The following MLLT3 variants were observed in gnomAD, a reference collection of about 807,000 sequenced individuals.
MLLT3 encodes MLLT3 super elongation complex subunit, also known as protein AF-9.
In MLLT3, 4 loss-of-function variants were observed where a neutral mutation model predicts 53.2. The ratio of observed to expected loss-of-function variants is 0.08; its 90% CI spans 0.04 to 0.17. The LOEUF (loss-of-function observed/expected upper bound fraction) is 0.17, where lower values mean the gene tolerates loss of function less well. Ranked by LOEUF, MLLT3 falls within the 10% of genes least tolerant of loss-of-function variation. The probability of loss-of-function intolerance (pLI) is 1.00; values close to 1 mark genes in which losing one functional copy is unlikely to be tolerated. For missense variants in MLLT3, 569 were observed against 684.0 expected (o/e 0.83, Z 1.87); for synonymous variants, 283 against 230.6 (o/e 1.23, Z -2.06).
At chr9:20,443,868 G>A (rs1401730761) in intron 4 of MLLT3, among the ~76,000 whole-genome samples, 1 of 152,156 alleles carries the variant, frequency 6.6e-6, no homozygotes, top group Non-Finnish European at 1.5e-5. Context: ...GCAAAAAGAT[G>A]CAATGGTTTT....
intron 2 of MLLT3, among the ~76,000 whole-genome samples, chr9:20,505,840 G>A (rs1825367718): frequency 6.6e-6 from 1 of 152,152 alleles, no homozygotes; most frequent in African/African-American, 2.4e-5. Flanking sequence ...ATATATCCAA[G>A]CATTAACTGT....
chr9:20,592,637 A>C (rs901449313), intron 2 of MLLT3, among the ~76,000 whole-genome samples: 2 of 152,192 alleles, frequency 1.3e-5, no homozygotes, highest in African/African-American at 4.8e-5. Context: ...GGGGGCACAT[A>C]ATTTGGCACA....
intron 2 of MLLT3, among the ~76,000 whole-genome samples, chr9:20,565,377 T>C (rs1250272271): frequency 6.6e-6 from 1 of 152,018 alleles, no homozygotes; most frequent in African/African-American, 2.4e-5. Context: ...CTTGGTGGGG[T>C]GCGCACACTG....
At chr9:20,346,836 C>A (rs946849181) in intron 10 of MLLT3, among the ~76,000 whole-genome samples, 20 of 151,932 alleles carry the variant, frequency 1.3e-4, no homozygotes, top group African/African-American at 4.4e-4. Flanking sequence ...AAGTCATGAA[C>A]AGAATATTTA....
chr9:20,440,089 T>G (rs546904034), intron 4 of MLLT3, among the ~76,000 whole-genome samples: 6 of 152,282 alleles, frequency 3.9e-5, no homozygotes, highest in Non-Finnish European at 8.8e-5. Context: ...ATAAATAAAC[T>G]AATTATCTGC....
chr9:20,550,465 T>G (rs945044221), intron 2 of MLLT3, among the ~76,000 whole-genome samples: 2 of 152,112 alleles, frequency 1.3e-5, no homozygotes, highest in Admixed American at 6.6e-5. Flanking sequence ...AGGTCTTGCT[T>G]TGTCACCCAG....
chr9:20,448,391 A>C lies in MLLT3; in HGVS notation c.277-125T>G. On this transcript the variant is annotated intron_variant, in intron 3 of 10. Transcript: ENST00000380338. The surrounding 1 kb of genome is among the most constrained non-coding windows in gnomAD (Gnocchi z 4.0). Reference sequence around the variant, plus strand: ...AGACATCTAACAGCTAAACTGTCAAAGTAGTACTGGGAAAAAAAAAAGTAT... The same window carrying C: ...AGACATCTAACAGCTAAACTGTCAACGTAGTACTGGGAAAAAAAAAAGTAT... The C allele has an allele frequency of 1.3e-6, 1 of 775,018 alleles. No individual in the cohort carries two copies. 48.0% of individuals were successfully genotyped at this position (775,018 alleles called of 1,614,324 possible). A position where few individuals can be genotyped will look rare whatever the true frequency, so the allele number is the denominator to read the frequency against.
chr9:20,601,041 C>G (rs762664393), intron 2 of MLLT3, among the ~76,000 whole-genome samples: 5 of 152,156 alleles, frequency 3.3e-5, no homozygotes, highest in Non-Finnish European at 5.9e-5. Context: ...TTTGCTTTTT[C>G]TCTGCACCGT....
At chr9:20,570,068 T>G (rs1819491060) in intron 2 of MLLT3, among the ~76,000 whole-genome samples, 1 of 152,232 alleles carries the variant, frequency 6.6e-6, no homozygotes, top group African/African-American at 2.4e-5. Context: ...AACGCTATTT[T>G]GCAATTACTA....
At chr9:20,515,696 C>T (rs1312230589) in intron 2 of MLLT3, among the ~76,000 whole-genome samples, 3 of 152,078 alleles carry the variant, frequency 2.0e-5, no homozygotes, top group South Asian at 2.1e-4. Flanking sequence ...GTTTATCTGA[C>T]GAGCTCCTGG....
chr9:20,428,323 T>C (rs1188450054), intron 4 of MLLT3, among the ~76,000 whole-genome samples: 1 of 151,886 alleles, frequency 6.6e-6, no homozygotes, highest in East Asian at 1.9e-4. Context: ...TAAAAGAACA[T>C]CCACAGGATT....
Position 20,345,799 on chromosome 9 carries a change from TC to T in MLLT3, c.*643del. 1 of 221,996 alleles carries T rather than the reference TC, an allele frequency of 4.5e-6. No homozygotes were observed. Among genetic ancestry groups the T allele is most frequent in the Non-Finnish European group, 9.0e-6 (1 of 110,848 alleles). The allele number at this position is 221,996 out of a possible 1,614,324, so 13.8% of individuals were successfully genotyped here. On this transcript the variant is annotated 3_prime_UTR_variant, in exon 11 of 11. Coordinates refer to ENST00000380338, the MANE Select transcript of MLLT3 (RefSeq NM_004529.4). ...GAAGAAAATCAAGGTGGCTATTTGG[TC>T]CCCCCAGTTGATAATCTGTGTCCTG...
At chr9:20,613,117 G>A (rs919964590) in intron 2 of MLLT3, among the ~76,000 whole-genome samples, 9 of 152,280 alleles carry the variant, frequency 5.9e-5, no homozygotes, top group African/African-American at 2.2e-4. Flanking sequence ...GCTCTTTATA[G>A]ATGAAATGTG....
chr9:20,597,518 G>C (rs1820305452), intron 2 of MLLT3, among the ~76,000 whole-genome samples: 1 of 152,094 alleles, frequency 6.6e-6, no homozygotes, highest in African/African-American at 2.4e-5. Context: ...ACTGTTAAGA[G>C]CCTCAGAAGA....
rs1407423485 is a variant in MLLT3 at position 20,485,749 on chromosome 9, T to TAC, written c.194-28964_194-28963insGT. ...ATACACATACACATATACACACGTG[T>TAC]GTGTGTGTGTGTGCATGTGTGTGTG... is the stretch of plus-strand genomic sequence containing the variant. On this transcript the variant is annotated intron_variant, in intron 2 of 10. Transcript: ENST00000380338. Among the ~76,000 whole-genome samples the TAC allele has an allele frequency of 2.7e-3, 408 of 151,064 alleles. 1 individual carries two copies. Among genetic ancestry groups the TAC allele is most frequent in the African/African-American group, 9.5e-3 (393 of 41,250 alleles).
intron 2 of MLLT3, among the ~76,000 whole-genome samples, chr9:20,529,930 C>A (rs1818289645): frequency 6.6e-6 from 1 of 152,046 alleles, no homozygotes; most frequent in Admixed American, 6.6e-5. Context: ...GTCTCTGATT[C>A]CTCTTCATTC....
At chr9:20,598,677 A>C (rs552703397) in intron 2 of MLLT3, among the ~76,000 whole-genome samples, 2 of 152,356 alleles carry the variant, frequency 1.3e-5, no homozygotes, top group African/African-American at 4.8e-5. Context: ...AACTGAATCC[A>C]TCTAAGTTTT....
chr9:20,380,830 T>C (rs1390620878), intron 5 of MLLT3, among the ~76,000 whole-genome samples: 2 of 152,004 alleles, frequency 1.3e-5, no homozygotes, highest in East Asian at 1.9e-4. Flanking sequence ...TGCTGGAAAC[T>C]TGAAAGTCAA....
Position 20,533,258 on chromosome 9 carries a change from G to A in MLLT3, c.194-76472C>T, listed in dbSNP as rs145217359. On this transcript the variant is annotated intron_variant, in intron 2 of 10. Coordinates refer to ENST00000380338, the MANE Select transcript of MLLT3 (RefSeq NM_004529.4). The stretch of plus-strand genomic sequence containing the variant: ...AATGACAGATATGATGAGATCTGCC[G>A]TCACTGGGTCCCTAGACTGTGGCTC... 1,099 of 321,948 alleles carry A rather than the reference G, an allele frequency of 3.4e-3. 21 individuals are homozygous for A. The highest frequency in any genetic ancestry group is 0.023 in the South Asian group (709 of 30,806). 19.9% of individuals were successfully genotyped at this position (321,948 alleles called of 1,614,324 possible).
Sources: allele counts gnomAD v4.1 joint callset (sites outside exome capture counted in the v4.1 genomes callset), GRCh38; gene constraint gnomAD v4.1.1; non-coding constraint Gnocchi (gnomAD v3.1); transcripts MANE v1.5; gene names NCBI Gene and HGNC (gene_info 2026-07-23, HGNC 2026-07-21).